Variants in NRXN3 observed in about 807,000 individuals in gnomAD.
NRXN3 encodes the protein neurexin 3.
A neutral mutation model predicts 137.6 loss-of-function variants in NRXN3; 32 were observed. That is an observed-to-expected ratio of 0.23 (90% CI 0.18 to 0.31). NRXN3 has a LOEUF of 0.31. Among genes scored for constraint, NRXN3 ranks in the 10% least tolerant of loss-of-function variants. The pLI, the probability that NRXN3 is intolerant of heterozygous loss-of-function variation, is 1.00. For synonymous variants in NRXN3, 798 were observed against 784.5 expected (o/e 1.02, Z -0.29); for missense variants, 1,574 against 2,062.5 (o/e 0.76, Z 4.59).
At chr14:78,442,031 G>A (rs971631996) in intron 4 of NRXN3, among the ~76,000 whole-genome samples, 3 of 151,488 alleles carry the variant, frequency 2.0e-5, no homozygotes, top group African/African-American at 2.4e-5. Context: ...AGGAGGTGGA[G>A]CTTGCAGTGA....
At chr14:79,183,893 G>A (rs1261360011) in intron 15 of NRXN3, among the ~76,000 whole-genome samples, 1 of 152,166 alleles carries the variant, frequency 6.6e-6, no homozygotes, top group African/African-American at 2.4e-5. Context: ...ATCCTCAAAT[G>A]GTTTTGAAGC....
chr14:78,896,761 G>A (rs2099176665), intron 10 of NRXN3, among the ~76,000 whole-genome samples: 1 of 151,934 alleles, frequency 6.6e-6, no homozygotes, highest in Non-Finnish European at 1.5e-5. Context: ...GTTGGAAAGA[G>A]GAGAGGAACA....
At chr14:79,018,519 T>C (rs1437848314) in intron 15 of NRXN3, among the ~76,000 whole-genome samples, 1 of 152,110 alleles carries the variant, frequency 6.6e-6, no homozygotes, top group East Asian at 1.9e-4. Flanking sequence ...AATTTTACCA[T>C]TATGATCTTT....
chr14:78,288,248 G>A (rs2075404235), intron 3 of NRXN3, among the ~76,000 whole-genome samples: 1 of 152,110 alleles, frequency 6.6e-6, no homozygotes, highest in South Asian at 2.1e-4. Flanking sequence ...CAAAAGTGCT[G>A]GGATTACAGG....
intron 6 of NRXN3, among the ~76,000 whole-genome samples, chr14:78,666,181 A>G (rs1003128654): frequency 1.3e-5 from 2 of 152,188 alleles, no homozygotes; most frequent in Non-Finnish European, 2.9e-5. Flanking sequence ...ATTTTTGACT[A>G]TATTCACACG....
chr14:78,315,683 G>A (rs1442749609), intron 4 of NRXN3, among the ~76,000 whole-genome samples: 1 of 152,210 alleles, frequency 6.6e-6, no homozygotes, highest in Non-Finnish European at 1.5e-5. Flanking sequence ...CTTAGCTTGA[G>A]TTGATGGAGT....
intron 15 of NRXN3, among the ~76,000 whole-genome samples, chr14:79,249,931 T>C (rs889695907): frequency 6.6e-6 from 1 of 152,336 alleles, no homozygotes; most frequent in Non-Finnish European, 1.5e-5. Context: ...TCATAAAGTA[T>C]ATACCTGTAT....
At chr14:78,817,772 C>T (rs1567403618) in intron 10 of NRXN3, among the ~76,000 whole-genome samples, 1 of 152,140 alleles carries the variant, frequency 6.6e-6, no homozygotes, top group Non-Finnish European at 1.5e-5. Flanking sequence ...TCACTAACCC[C>T]TGCCTGAGGG....
intron 1 of NRXN3, among the ~76,000 whole-genome samples, chr14:78,171,634 A>G (rs900436378): frequency 6.6e-6 from 1 of 152,032 alleles, no homozygotes; most frequent in African/African-American, 2.4e-5. Flanking sequence ...GATGACAAGG[A>G]AAAAAATGTG....
chr14:79,728,732 A>G (rs2098908073), intron 19 of NRXN3, among the ~76,000 whole-genome samples: 1 of 152,228 alleles, frequency 6.6e-6, no homozygotes, highest in South Asian at 2.1e-4. Flanking sequence ...ACACTGTCAA[A>G]GACTGATATT....
intron 4 of NRXN3, among the ~76,000 whole-genome samples, chr14:78,301,464 A>G (rs912975656): frequency 6.6e-6 from 1 of 152,320 alleles, no homozygotes; most frequent in Non-Finnish European, 1.5e-5. Flanking sequence ...ATCCATTTCT[A>G]ATCAAAGCTG....
intron 20 of NRXN3, among the ~76,000 whole-genome samples, chr14:79,808,468 T>C (rs2099218998): frequency 6.6e-6 from 1 of 151,954 alleles, no homozygotes; most frequent in Admixed American, 6.6e-5. Context: ...ACATTACCAC[T>C]AAGATTAAAA....
intron 15 of NRXN3, among the ~76,000 whole-genome samples, chr14:79,035,410 C>T (rs768258703): frequency 1.3e-5 from 2 of 151,968 alleles, no homozygotes; most frequent in Non-Finnish European, 1.5e-5. Context: ...TTGGTCTTTT[C>T]ATGAAATGTA....
chr14:78,551,788 C>T (rs1199158985), intron 4 of NRXN3, among the ~76,000 whole-genome samples: 5 of 152,020 alleles, frequency 3.3e-5, no homozygotes, highest in East Asian at 3.9e-4. Context: ...CTACTTCCCC[C>T]CATTCCTCCC....
chr14:79,379,029 A>G (rs2094390138), intron 15 of NRXN3, among the ~76,000 whole-genome samples: 1 of 152,194 alleles, frequency 6.6e-6, no homozygotes. Context: ...TGTGGACGAT[A>G]GATAGCCTTT....
At chr14:78,403,777 T>G (rs2092284398) in intron 4 of NRXN3, 1 of 985,376 alleles carries the variant, frequency 1.0e-6, no homozygotes, top group Non-Finnish European at 1.2e-6. Flanking sequence ...AGGAATGTGG[T>G]GGTCCCTCTC....
At chr14:79,787,896 A>C (rs968800037) in intron 19 of NRXN3, among the ~76,000 whole-genome samples, 18 of 152,194 alleles carry the variant, frequency 1.2e-4, no homozygotes, top group African/African-American at 4.3e-4. Context: ...TAATAATCTC[A>C]CAAGGATGGG....
chr14:79,226,821 T>C (rs1331659584), intron 15 of NRXN3, among the ~76,000 whole-genome samples: 27 of 126,442 alleles, frequency 2.1e-4, no homozygotes, highest in East Asian at 6.1e-4. Flanking sequence ...TTTCTTTTTT[T>C]TTTTTTTTTT....
intron 4 of NRXN3, among the ~76,000 whole-genome samples, chr14:78,556,188 T>G (rs989371688): frequency 6.6e-6 from 1 of 152,228 alleles, no homozygotes; most frequent in Non-Finnish European, 1.5e-5. Context: ...TTCTTCAGCC[T>G]TCCCAGCTTC....
Sources: gnomAD v4.1 joint callset for allele counts (sites outside exome capture counted in the v4.1 genomes callset) on GRCh38, gnomAD v4.1.1 for gene constraint, MANE v1.5 for transcripts, NCBI Gene and HGNC (gene_info 2026-07-23, HGNC 2026-07-21) for gene names.